Variants in IPO11 observed in about 807,000 individuals in gnomAD.
IPO11 encodes importin-11.
Under a neutral mutation model 143.2 loss-of-function variants are expected in IPO11, and 66 were observed. The ratio of observed to expected loss-of-function variants is 0.46; its 90% CI spans 0.38 to 0.57. IPO11 has a LOEUF of 0.57. IPO11 is among the 20% of genes least tolerant of loss of function. IPO11 has a pLI of 0.00. For synonymous variants in IPO11, 385 were observed against 377.8 expected (o/e 1.02, Z -0.22); for missense variants, 1,026 against 1,141.0 (o/e 0.90, Z 1.45).
intron 10 of IPO11, 120 bp downstream of exon 10, chr5:62,483,413 C>A: frequency 1.6e-6 from 1 of 643,564 alleles, no homozygotes. Flanking sequence ...GTTGCTGGGA[C>A]ATGAAAAAGA....
chr5:62,577,027 A>G (rs1318417550), intron 27 of IPO11, among the ~76,000 whole-genome samples: 1 of 152,234 alleles, frequency 6.6e-6, no homozygotes, highest in East Asian at 1.9e-4. Context: ...TAGAAGACTA[A>G]TTTAAGAGGT....
intron 29 of IPO11, among the ~76,000 whole-genome samples, chr5:62,620,861 G>A (rs1427491553): frequency 6.6e-6 from 1 of 152,232 alleles, no homozygotes; most frequent in Non-Finnish European, 1.5e-5. Context: ...TTTTAAGAGT[G>A]TCCTGGCCAA....
chr5:62,601,546 G>C (rs1050631601), intron 28 of IPO11, among the ~76,000 whole-genome samples: 2 of 152,070 alleles, frequency 1.3e-5, no homozygotes, highest in African/African-American at 2.4e-5. Flanking sequence ...CAAGTAAAAT[G>C]CTCTAAAATG....
At chr5:62,455,445 C>T (rs1401753995) in intron 5 of IPO11, among the ~76,000 whole-genome samples, 1 of 152,114 alleles carries the variant, frequency 6.6e-6, no homozygotes, top group Non-Finnish European at 1.5e-5. Flanking sequence ...ATCAGTTGAA[C>T]CCAGGAGGCG....
At chr5:62,575,422 T>C (rs1294858627) in intron 27 of IPO11, among the ~76,000 whole-genome samples, 1 of 152,212 alleles carries the variant, frequency 6.6e-6, no homozygotes, top group Non-Finnish European at 1.5e-5. Flanking sequence ...ATTATTGTTT[T>C]AGTTCTTGTG....
At chr5:62,470,813 C>CTTTTTTTTTTTTTT (rs1745739513) in intron 7 of IPO11, among the ~76,000 whole-genome samples, 2 of 76,262 alleles carry the variant, frequency 2.6e-5, no homozygotes, top group Admixed American at 1.7e-4. Flanking sequence ...AGATAGCCAT[C>CTTTTTTTTTTTTTT]TTCTTTTTTT....
chr5:62,420,291 CAAAAAA>C (rs1187591087), intron 1 of IPO11, among the ~76,000 whole-genome samples: 1 of 68,942 alleles, frequency 1.5e-5, no homozygotes. Flanking sequence ...AGCTCCGTCT[CAAAAAA>C]AAAAAAAAAA....
In IPO11 at chr5:62,506,370, T is replaced by C; in HGVS notation, c.1782+13T>C. On this transcript the variant is annotated intron_variant, in intron 19 of 29. Coordinates refer to ENST00000325324, the MANE Select transcript of IPO11 (RefSeq NM_016338.5). The stretch of plus-strand genomic sequence containing the variant: ...AGTCAACATGCAGGTAATTATATTG[T>C]AAAACATGAAAATAAATGAGGGGTG... The C allele has an allele frequency of 7.2e-7, 1 of 1,388,244 alleles. No homozygotes were observed. Among genetic ancestry groups the C allele is most frequent in the Non-Finnish European group, 1.0e-6 (1 of 980,604 alleles). 86.0% of individuals were successfully genotyped at this position (1,388,244 alleles called of 1,614,324 possible). A position where few individuals can be genotyped will look rare whatever the true frequency, so the allele number is the denominator to read the frequency against.
intron 5 of IPO11, among the ~76,000 whole-genome samples, chr5:62,457,215 A>G (rs1168632543): frequency 2.0e-5 from 3 of 152,176 alleles, no homozygotes; most frequent in African/African-American, 4.8e-5. Flanking sequence ...TAGGCTGGGC[A>G]TGGTGACTCA....
chr5:62,420,545 A>G (rs906299863), intron 1 of IPO11, among the ~76,000 whole-genome samples: 3 of 151,694 alleles, frequency 2.0e-5, no homozygotes, highest in Admixed American at 6.6e-5. Context: ...TTACGGGATC[A>G]CTGTCGTATA....
intron 20 of IPO11, among the ~76,000 whole-genome samples, chr5:62,523,157 A>G (rs916083149): frequency 6.6e-6 from 1 of 152,116 alleles, no homozygotes; most frequent in Non-Finnish European, 1.5e-5. Flanking sequence ...TCCAAAGTGA[A>G]TTACTTTTAT....
At chr5:62,501,222 AT>A (rs887810731) in intron 16 of IPO11, among the ~76,000 whole-genome samples, 54 of 151,044 alleles carry the variant, frequency 3.6e-4, no homozygotes, top group African/African-American at 1.3e-3. Flanking sequence ...ACACTCTCTA[AT>A]TTTTTTTTCT....
At chr5:62,461,996 C>CT in intron 5 of IPO11, among the ~76,000 whole-genome samples, 1 of 152,234 alleles carries the variant, frequency 6.6e-6, no homozygotes, top group Middle Eastern at 3.4e-3. Context: ...ATATTTTAGC[C>CT]TGTAGTTCTC....
At chr5:62,605,360 A>C (rs1216148801) in intron 29 of IPO11, among the ~76,000 whole-genome samples, 1 of 152,166 alleles carries the variant, frequency 6.6e-6, no homozygotes, top group Non-Finnish European at 1.5e-5. Flanking sequence ...ATTTTATTTC[A>C]AATAAGGATG....
At chr5:62,567,049 T>C (rs1156285281) in intron 27 of IPO11, among the ~76,000 whole-genome samples, 1 of 152,178 alleles carries the variant, frequency 6.6e-6, no homozygotes, top group African/African-American at 2.4e-5. Flanking sequence ...TTGTTACATT[T>C]TACCATTATT....
At chr5:62,439,729 A>G (rs1156432197) in intron 2 of IPO11, among the ~76,000 whole-genome samples, 3 of 152,202 alleles carry the variant, frequency 2.0e-5, no homozygotes, top group Middle Eastern at 3.4e-3. Flanking sequence ...GAGGGATATA[A>G]CATTTCTTTT....
chr5:62,454,071 CTTGCAGTGAGCCGAGA>C (rs1230013023), intron 5 of IPO11, among the ~76,000 whole-genome samples: 3 of 152,072 alleles, frequency 2.0e-5, no homozygotes, highest in Non-Finnish European at 4.4e-5. Context: ...GGAGGTGGAG[CTTGCAGTGAGCCGAGA>C]TTGCACCACT....
chr5:62,619,575 C>T (rs775525189), intron 29 of IPO11, among the ~76,000 whole-genome samples: 10 of 152,052 alleles, frequency 6.6e-5, no homozygotes, highest in Non-Finnish European at 1.0e-4. Context: ...ACAAACAGGC[C>T]GGGCGTGGTG....
intron 3 of IPO11, chr5:62,443,410 TGTGTGTGTGTGC>T (rs1280782933): frequency 5.4e-5 from 10 of 185,556 alleles, no homozygotes; most frequent in Middle Eastern, 2.2e-3. Context: ...TGTGTGTGTG[TGTGTGTGTGTGC>T]GTGTGTGCGT....
Sources: gnomAD v4.1 joint callset for allele counts (sites outside exome capture counted in the v4.1 genomes callset) on GRCh38, gnomAD v4.1.1 for gene constraint, MANE v1.5 for transcripts, NCBI Gene and HGNC (gene_info 2026-07-23, HGNC 2026-07-21) for gene names.